The following TMEM132C variants were observed in gnomAD, a reference collection of about 807,000 sequenced individuals.
TMEM132C encodes the protein transmembrane protein 132C.
In TMEM132C, 29 loss-of-function variants were observed where a neutral mutation model predicts 61.4. That is an observed-to-expected ratio of 0.47 (90% CI 0.35 to 0.64). The LOEUF (loss-of-function observed/expected upper bound fraction) is 0.64, where lower values mean the gene tolerates loss of function less well. TMEM132C is among the 30% of genes least tolerant of loss of function. The pLI is 0.00. For synonymous variants in TMEM132C, 656 were observed against 633.1 expected (o/e 1.04, Z -0.54); for missense variants, 1,408 against 1,476.9 (o/e 0.95, Z 0.76).
rs375941091 is a variant in TMEM132C, at chr12:128,385,399, C to T, written c.86-29333C>T. ...TCATTGCAAAGATTCGAGACATAAA[C>T]GCCGAGTCCTCGCACAGAGCCTGAT... On this transcript the variant is annotated intron_variant, in intron 1 of 8. Transcript: ENST00000435159. 4.3e-4 allele frequency among the ~76,000 whole-genome samples: 56 copies of T among 131,152 alleles called. 2 individuals are homozygous for T. The highest frequency in any genetic ancestry group is 7.5e-4 in the East Asian group (3 of 4,026). The allele number at this position is 131,152 out of a possible 152,430, so 86.0% of individuals were successfully genotyped here. A position where few individuals can be genotyped will look rare whatever the true frequency, so the allele number is the denominator to read the frequency against.
At chr12:128,412,529 G>C (rs1156755927) in intron 1 of TMEM132C, among the ~76,000 whole-genome samples, 1 of 152,078 alleles carries the variant, frequency 6.6e-6, no homozygotes, top group East Asian at 1.9e-4. Context: ...AATCATGGGG[G>C]TAGTTTCCCC....
chr12:128,455,509 G>C (rs1870309883), intron 2 of TMEM132C, among the ~76,000 whole-genome samples: 1 of 152,226 alleles, frequency 6.6e-6, no homozygotes, highest in Non-Finnish European at 1.5e-5. Context: ...TTCATCGTGA[G>C]AGAAACACCC....
intron 3 of TMEM132C, among the ~76,000 whole-genome samples, chr12:128,610,372 G>C (rs1876591018): frequency 6.6e-6 from 1 of 152,198 alleles, no homozygotes; most frequent in South Asian, 2.1e-4. Flanking sequence ...CTCACCCCCA[G>C]ACTCAATTTT....
At chr12:128,539,060 G>A (rs528333960) in intron 2 of TMEM132C, among the ~76,000 whole-genome samples, 90 of 152,204 alleles carry the variant, frequency 5.9e-4, no homozygotes, top group Non-Finnish European at 1.2e-3. Flanking sequence ...ATGTCCTCAA[G>A]GAACACTTAT....
intron 2 of TMEM132C, among the ~76,000 whole-genome samples, chr12:128,432,336 T>C (rs1869420370): frequency 6.6e-6 from 1 of 152,236 alleles, no homozygotes; most frequent in Non-Finnish European, 1.5e-5. Context: ...GTAGCTGCCA[T>C]AGATAGTAAT....
intron 1 of TMEM132C, among the ~76,000 whole-genome samples, chr12:128,374,242 A>G (rs1337402908): frequency 2.0e-5 from 3 of 152,210 alleles, no homozygotes; most frequent in Non-Finnish European, 4.4e-5. Context: ...GACTGAAACT[A>G]GGACCCTCCA....
chr12:128,368,811 G>GA (rs1352238501), intron 1 of TMEM132C, among the ~76,000 whole-genome samples: 1 of 152,210 alleles, frequency 6.6e-6, no homozygotes, highest in Non-Finnish European at 1.5e-5. Context: ...GCGGGAGACT[G>GA]AGAGTCAGGG....
chr12:128,424,487 G>C (rs374661743), intron 2 of TMEM132C, among the ~76,000 whole-genome samples: 1 of 150,268 alleles, frequency 6.7e-6, no homozygotes, highest in African/African-American at 2.4e-5. Context: ...AAAAAGTCAC[G>C]TAATACATGA....
At chr12:128,314,410 T>A (rs1872079884) in intron 1 of TMEM132C, among the ~76,000 whole-genome samples, 1 of 152,220 alleles carries the variant, frequency 6.6e-6, no homozygotes, top group Admixed American at 6.5e-5. Flanking sequence ...AAAGCTCCCA[T>A]ACTCATGTAT....
At chr12:128,472,508 C>T (rs143916613) in intron 2 of TMEM132C, among the ~76,000 whole-genome samples, 1 of 152,240 alleles carries the variant, frequency 6.6e-6, no homozygotes, top group African/African-American at 2.4e-5. Context: ...AATCTGTTCC[C>T]TACCTTCCAG....
intron 3 of TMEM132C, among the ~76,000 whole-genome samples, chr12:128,571,136 A>C (rs560454109): frequency 9.5e-4 from 145 of 152,318 alleles, no homozygotes; most frequent in Admixed American, 3.3e-3. Context: ...AAGGCCAAAA[A>C]AATAAAAAGC....
chr12:128,483,926 ACT>A (rs776980507), intron 2 of TMEM132C, among the ~76,000 whole-genome samples: 6 of 152,270 alleles, frequency 3.9e-5, no homozygotes, highest in Non-Finnish European at 8.8e-5. Context: ...CAGTGATTAC[ACT>A]CTACATTGCT....
chr12:128,667,348 A>C (rs7133459), intron 4 of TMEM132C, among the ~76,000 whole-genome samples: 3 of 151,980 alleles, frequency 2.0e-5, no homozygotes, highest in African/African-American at 7.3e-5. Context: ...ACTGAACTCC[A>C]AGCACATTAC....
At chr12:128,436,856 T>C (rs986139162) in intron 2 of TMEM132C, among the ~76,000 whole-genome samples, 3 of 152,202 alleles carry the variant, frequency 2.0e-5, no homozygotes, top group Admixed American at 6.5e-5. Flanking sequence ...CGTATGTTTA[T>C]TGCGGCACTA....
chr12:128,492,735 T>C (rs1871787482), intron 2 of TMEM132C, among the ~76,000 whole-genome samples: 1 of 152,244 alleles, frequency 6.6e-6, no homozygotes, highest in Non-Finnish European at 1.5e-5. Flanking sequence ...GAGTTCTTCG[T>C]AGATTCTGGA....
chr12:128,274,528 C>T (rs1870621599), intron 1 of TMEM132C, among the ~76,000 whole-genome samples: 1 of 152,152 alleles, frequency 6.6e-6, no homozygotes, highest in South Asian at 2.1e-4. Flanking sequence ...TTGCTTATTA[C>T]TAAGTTATAA....
chr12:128,501,437 A>G (rs1872175606), intron 2 of TMEM132C, among the ~76,000 whole-genome samples: 1 of 152,222 alleles, frequency 6.6e-6, no homozygotes, highest in African/African-American at 2.4e-5. Flanking sequence ...CAAATTCATC[A>G]TAGCTCCTAA....
intron 4 of TMEM132C, among the ~76,000 whole-genome samples, chr12:128,624,142 G>A (rs761814218): frequency 8.6e-5 from 13 of 152,000 alleles, no homozygotes; most frequent in Non-Finnish European, 1.8e-4. Flanking sequence ...GAAATTGGGC[G>A]CTCAGCTTCA....
At chr12:128,489,582 T>TATATATATATATATATATA (rs1565951312) in intron 2 of TMEM132C, among the ~76,000 whole-genome samples, 7 of 149,908 alleles carry the variant, frequency 4.7e-5, no homozygotes, top group South Asian at 2.1e-4. Context: ...TATATATATA[T>TATATATATATATATATATA]TCTGTCCACA....
Sources: gnomAD v4.1 joint callset for allele counts (sites outside exome capture counted in the v4.1 genomes callset) on GRCh38, gnomAD v4.1.1 for gene constraint, MANE v1.5 for transcripts, NCBI Gene and HGNC (gene_info 2026-07-23, HGNC 2026-07-21) for gene names.